DIAPH2: variants seen among roughly 807,000 people sequenced by gnomAD.
DIAPH2 encodes diaphanous related formin 2, also known as protein diaphanous homolog 2.
DIAPH2 carries 35 observed loss-of-function variants against 92.7 expected under a neutral mutation model. The ratio of observed to expected loss-of-function variants is 0.38; its 90% CI spans 0.29 to 0.50. The LOEUF is 0.50. Ranked by LOEUF, DIAPH2 falls within the 20% of genes least tolerant of loss-of-function variation. The pLI, the probability that DIAPH2 is intolerant of heterozygous loss-of-function variation, is 0.94. For missense variants in DIAPH2, 701 were observed against 819.5 expected (o/e 0.86, Z 1.77); for synonymous variants, 301 against 280.4 (o/e 1.07, Z -0.73).
In DIAPH2 at chrX:96,912,566, A is replaced by G. The variant is rs1435496785; in HGVS notation, c.732+14A>G. 3 of 1,155,634 alleles carry G rather than the reference A, an allele frequency of 2.6e-6. No homozygotes were observed. Among genetic ancestry groups the G allele is most frequent in the South Asian group, 4.4e-5 (2 of 45,525 alleles). On this transcript the variant is annotated intron_variant, in intron 7 of 26. Transcript: ENST00000324765. ...ATGAATAATAAGGTAAGTAGTATTTATTTCTGCCCCTGTCACAAAAGGTGG... is the reference window on the plus strand; with the variant it reads ...ATGAATAATAAGGTAAGTAGTATTTGTTTCTGCCCCTGTCACAAAAGGTGG...
intron 25 of DIAPH2, among the ~76,000 whole-genome samples, chrX:97,389,414 C>T (rs1387971904): frequency 9.9e-6 from 1 of 100,757 alleles, no homozygotes; most frequent in Admixed American, 1.1e-4. Flanking sequence ...TGCAGTGAGC[C>T]GAGATCACGC....
intron 22 of DIAPH2, among the ~76,000 whole-genome samples, chrX:97,188,611 A>T (rs1269239957): frequency 8.9e-6 from 1 of 112,361 alleles, no homozygotes; most frequent in East Asian, 2.8e-4. Context: ...CTGTTTAATA[A>T]TAAGTACATA....
intron 26 of DIAPH2, among the ~76,000 whole-genome samples, chrX:97,587,431 C>CA (rs1176284859): frequency 8.9e-6 from 1 of 111,862 alleles, no homozygotes; most frequent in East Asian, 2.8e-4. Context: ...AGTCTGGCAA[C>CA]ATTTCTATAC....
intron 4 of DIAPH2, among the ~76,000 whole-genome samples, chrX:96,772,611 AT>A (rs1331455899): frequency 8.9e-6 from 1 of 112,142 alleles, no homozygotes; most frequent in African/African-American, 3.2e-5. Flanking sequence ...ATTTAGAGTA[AT>A]TTTTTGTACT....
At chrX:96,721,502 G>T (rs2063987936) in intron 1 of DIAPH2, among the ~76,000 whole-genome samples, 1 of 112,247 alleles carries the variant, frequency 8.9e-6, no homozygotes, top group Non-Finnish European at 1.9e-5. Flanking sequence ...AAATTTAACA[G>T]CTTTATACAC....
intron 17 of DIAPH2, among the ~76,000 whole-genome samples, chrX:97,062,180 A>G (rs772305245): frequency 3.7e-4 from 41 of 111,742 alleles, no homozygotes; most frequent in African/African-American, 1.1e-3. Flanking sequence ...ATAAAATCTC[A>G]TTATTTGTCA....
chrX:96,984,467 G>T (rs1602689715), intron 17 of DIAPH2, among the ~76,000 whole-genome samples: 1 of 110,361 alleles, frequency 9.1e-6, no homozygotes, highest in Non-Finnish European at 1.9e-5. Flanking sequence ...ATTCCTTTAC[G>T]GTCAAAAGAA....
chrX:97,510,797 T>G (rs1158156821), intron 26 of DIAPH2, among the ~76,000 whole-genome samples: 5 of 95,316 alleles, frequency 5.2e-5, no homozygotes, highest in African/African-American at 1.9e-4. Context: ...TTTTCTCAGG[T>G]TTGTCAAAGA....
chrX:97,230,009 G>A (rs1204596638), intron 22 of DIAPH2, among the ~76,000 whole-genome samples: 1 of 109,209 alleles, frequency 9.2e-6, no homozygotes, highest in African/African-American at 3.3e-5. Context: ...TAGAGATCTT[G>A]GGGAATGCTT....
chrX:97,282,651 T>G (rs2068508711), intron 23 of DIAPH2, among the ~76,000 whole-genome samples: 1 of 111,910 alleles, frequency 8.9e-6, no homozygotes, highest in Non-Finnish European at 1.9e-5. Context: ...AACAGACAAT[T>G]GAATTAAGAA....
intron 23 of DIAPH2, among the ~76,000 whole-genome samples, chrX:97,281,953 G>T (rs1327925053): frequency 9.0e-6 from 1 of 110,554 alleles, no homozygotes; most frequent in African/African-American, 3.3e-5. Flanking sequence ...AAAAGGCTGG[G>T]CTTTTCTAAT....
At chrX:97,403,669 T>C (rs2069780020) in intron 25 of DIAPH2, among the ~76,000 whole-genome samples, 1 of 111,616 alleles carries the variant, frequency 9.0e-6, no homozygotes, top group Admixed American at 9.6e-5. Context: ...TCGCTTTGAG[T>C]AATATCAGTC....
intron 4 of DIAPH2, among the ~76,000 whole-genome samples, chrX:96,808,243 A>G (rs149194142): frequency 0.016 from 1,757 of 110,343 alleles, 25 homozygotes; most frequent in Non-Finnish European, 0.025. Context: ...CCTACTTACC[A>G]TTAATTATGA....
intron 1 of DIAPH2, among the ~76,000 whole-genome samples, chrX:96,731,683 C>CA (rs1364260932): frequency 1.8e-5 from 2 of 111,384 alleles, no homozygotes; most frequent in African/African-American, 3.3e-5. Flanking sequence ...ATAAGTAAGT[C>CA]AGTCATTTCT....
chrX:96,890,759 C>T (rs1385119197), intron 5 of DIAPH2, among the ~76,000 whole-genome samples: 1 of 112,158 alleles, frequency 8.9e-6, no homozygotes, highest in East Asian at 2.8e-4. Flanking sequence ...TTTAATCACT[C>T]AGGTGATAAA....
At chrX:97,006,453 G>T (rs2066183353) in intron 17 of DIAPH2, among the ~76,000 whole-genome samples, 1 of 111,768 alleles carries the variant, frequency 8.9e-6, no homozygotes, top group Non-Finnish European at 1.9e-5. Flanking sequence ...CACAAATCTG[G>T]GTGCTCCAGT....
intron 26 of DIAPH2, among the ~76,000 whole-genome samples, chrX:97,566,249 C>T (rs757691581): frequency 6.3e-5 from 7 of 111,196 alleles, no homozygotes; most frequent in South Asian, 3.8e-4. Flanking sequence ...TAGGGAGCAA[C>T]GGGAAGGTAT....
intron 5 of DIAPH2, among the ~76,000 whole-genome samples, chrX:96,882,959 CAAAAAA>C (rs1211958338): frequency 1.9e-4 from 6 of 31,993 alleles, no homozygotes; most frequent in Admixed American, 5.0e-4. Context: ...ACCCTGTCTC[CAAAAAA>C]AAAAAAAAAA....
chrX:97,126,819 T>C (rs938992072), intron 21 of DIAPH2, among the ~76,000 whole-genome samples: 4 of 112,643 alleles, frequency 3.6e-5, no homozygotes, highest in Admixed American at 2.8e-4. Context: ...ATTTCCAAGA[T>C]GTACTTTTCT....
Sources: allele counts gnomAD v4.1 joint callset (sites outside exome capture counted in the v4.1 genomes callset), GRCh38; gene constraint gnomAD v4.1.1; transcripts MANE v1.5; gene names NCBI Gene and HGNC (gene_info 2026-07-23, HGNC 2026-07-21).